The following PDGFA variants were observed in gnomAD, a reference collection of about 807,000 sequenced individuals.
PDGFA encodes the protein platelet derived growth factor subunit A.
In PDGFA, 9 loss-of-function variants were observed where a neutral mutation model predicts 25.6. The observed-to-expected ratio is 0.35, with a 90% CI of 0.21 to 0.61. The LOEUF is 0.61. PDGFA is among the 20% of genes least tolerant of loss of function. PDGFA has a pLI of 0.75. For missense variants in PDGFA, 242 were observed against 272.8 expected, an observed-to-expected ratio of 0.89 and a Z score of 0.79; for synonymous variants, 133 against 111.8, an observed-to-expected ratio of 1.19 and a Z score of -1.20.
At chr7:519,068 C>G (rs1783245071) in exon 1 of PDGFA, 1 of 1,280,874 alleles carries the variant, frequency 7.8e-7, no homozygotes. Flanking sequence ...CAGCCGGTCT[C>G]CTGTGGCGGC....
rs756685336 is a variant in PDGFA at position 517,377 on chromosome 7, G to C, written c.160+17C>G. The C allele has an allele frequency of 2.3e-6, 3 of 1,299,644 alleles. No individual in the cohort carries two copies. In the Admixed American group the frequency reaches 8.4e-5, roughly 36 times the overall value. The allele number at this position is 1,299,644 out of a possible 1,614,324, so 80.5% of individuals were successfully genotyped here. ...CCCGCGCCCTCCCCGCGCGCGGAGG[G>C]AAGGGGCGCGATTTACCTACGGAGT... On this transcript the variant is annotated intron_variant, in intron 2 of 5. Coordinates refer to ENST00000402802, the Ensembl canonical transcript of PDGFA. The surrounding 1 kb of genome is among the most constrained non-coding windows in gnomAD (Gnocchi z 7.4).
chr7:511,927 G>A (rs538768873), intron 3 of PDGFA, among the ~76,000 whole-genome samples: 29 of 152,334 alleles, frequency 1.9e-4, no homozygotes, highest in African/African-American at 5.1e-4. Context: ...GACACAGCAC[G>A]CGCGTCCCCA....
intron 3 of PDGFA, 50 bp downstream of exon 3, chr7:512,301 A>G (rs1782888733): frequency 6.6e-7 from 1 of 1,504,832 alleles, no homozygotes. Context: ...GGCCTCCTGG[A>G]CTCACCCTGA....
At chr7:507,895 C>T (rs1174325536) in intron 4 of PDGFA, among the ~76,000 whole-genome samples, 5 of 152,170 alleles carry the variant, frequency 3.3e-5, no homozygotes, top group Non-Finnish European at 7.4e-5. Context: ...CCTGACCCCC[C>T]GGCGGTAAAT....
At position 517,771 on chromosome 7, in the gene PDGFA, C is replaced by T. The variant is rs1783176432; in HGVS notation, c.64-281G>A. On this transcript the variant is annotated intron_variant, in intron 1 of 5. Transcript: ENST00000402802. The surrounding 1 kb of genome is among the most constrained non-coding windows in gnomAD (Gnocchi z 7.4). ...TTTTCAGACAAAAGCCCCCGCACTC[C>T]GGCCCCTCCACCCGGGGTGTCAGTT... Among the ~76,000 whole-genome samples the T allele has an allele frequency of 6.6e-6, 1 of 151,888 alleles. No homozygotes were observed. The highest frequency in any genetic ancestry group is 2.4e-5 in the African/African-American group (1 of 41,334).
exon 6 of PDGFA, chr7:497,785 C>G (rs1482362022): frequency 1.4e-5 from 2 of 142,540 alleles, no homozygotes; most frequent in African/African-American, 2.6e-5. Context: ...TAGTTTGCAT[C>G]TTGCTAGGAA....
intron 4 of PDGFA, among the ~76,000 whole-genome samples, chr7:507,180 C>T (rs1204613109): frequency 5.3e-5 from 8 of 152,226 alleles, no homozygotes; most frequent in Admixed American, 1.3e-4. Context: ...GGTCCAAAGC[C>T]GGATGTTTTC....
rs1163298676 is a variant in PDGFA, at chr7:502,783, CACACACACACACACACACACACACACAT to C, written c.454-1569_454-1542del. ...AGGCAAGAAATCACACACACACACA[CACACACACACACACACACACACACACAT>C]AATGCACATATAGGCCCTGTCACGG... On this transcript the variant is annotated intron_variant, in intron 4 of 5. Transcript: ENST00000402802. Among the ~76,000 whole-genome samples the C allele has an allele frequency of 2.5e-4, 36 of 142,086 alleles. No individual in the cohort carries two copies. In the South Asian group the frequency reaches 7.9e-3, roughly 31 times the overall value. The allele number at this position is 142,086 out of a possible 152,430, so 93.2% of individuals were successfully genotyped here.
rs1467821637 is a variant in PDGFA, at chr7:517,739, C to G, written c.64-249G>C. Among the ~76,000 whole-genome samples the G allele has an allele frequency of 4.6e-5, 7 of 151,446 alleles. No individual in the cohort carries two copies. The highest frequency in any genetic ancestry group is 1.0e-4 in the Non-Finnish European group (7 of 67,788). ...CTTTGCAAAATCAAAGCCCCCCCCCCTTTATATTTTCAGACAAAAGCCCCC... is the reference window on the plus strand; with the variant it reads ...CTTTGCAAAATCAAAGCCCCCCCCCGTTTATATTTTCAGACAAAAGCCCCC... On this transcript the variant is annotated intron_variant, in intron 1 of 5. Transcript: ENST00000402802. The surrounding 1 kb of genome is among the most constrained non-coding windows in gnomAD (Gnocchi z 7.4).
In PDGFA at chr7:502,517, G is replaced by A. The variant is rs554045545; in HGVS notation, c.454-1275C>T. ...GAGGCTACACAAGATGATCCAGGAG[G>A]AGCACAGGCCAGCAGGCCGTGGCTA... On this transcript the variant is annotated intron_variant, in intron 4 of 5. Transcript: ENST00000402802. Among the ~76,000 whole-genome samples, 7 of 152,298 alleles carry A rather than the reference G, an allele frequency of 4.6e-5. No individual in the cohort carries two copies. The South Asian group carries it at 6.2e-4, about 14-fold the overall frequency.
At chr7:508,590 T>TAAAAAAAAAAAAAAC (rs1275774675) in intron 4 of PDGFA, among the ~76,000 whole-genome samples, 6 of 130,896 alleles carry the variant, frequency 4.6e-5, no homozygotes, top group African/African-American at 8.7e-5. Context: ...AAAAAAAAAT[T>TAAAAAAAAAAAAAAC]CTCAGCTGAG....
chr7:511,904 G>C (rs1265409310), intron 3 of PDGFA, among the ~76,000 whole-genome samples: 3 of 152,158 alleles, frequency 2.0e-5, no homozygotes, highest in South Asian at 2.1e-4. Flanking sequence ...AGGGTGTCGG[G>C]GGGCAGCCGC....
At chr7:512,311 A>G in intron 3 of PDGFA, 40 bp downstream of exon 3, 1 of 1,541,788 alleles carries the variant, frequency 6.5e-7, no homozygotes, top group Non-Finnish European at 8.9e-7. Context: ...ACTCACCCTG[A>G]CCCGGCCCTG....
intron 2 of PDGFA, among the ~76,000 whole-genome samples, chr7:515,726 G>C (rs1004189642): frequency 6.6e-6 from 1 of 151,964 alleles, no homozygotes; most frequent in African/African-American, 2.4e-5. Context: ...ACTGCAGAGG[G>C]AATTTGAAAC....
chr7:510,107 G>A (rs1265741027), intron 4 of PDGFA, among the ~76,000 whole-genome samples: 6 of 152,150 alleles, frequency 3.9e-5, no homozygotes, highest in Non-Finnish European at 7.3e-5. Context: ...TCCAGGGCCC[G>A]GGGACGCCAG....
exon 6 of PDGFA, chr7:497,953 AAAAAACAAAAAAAAAAAAAACAAAAC>A (rs1332998994): frequency 8.7e-5 from 10 of 115,102 alleles, no homozygotes; most frequent in African/African-American, 1.9e-4. Context: ...AAAAAAAAAA[AAAAAACAAAAAAAAAAAAAACAAAAC>A]AAAAACAAAA....
At position 503,478 on chromosome 7, in the gene PDGFA, A is replaced by G. The variant is rs558795838; in HGVS notation, c.454-2236T>C. ...TGAGGAGACCTCAGCCCAAGGCCAGATGCCCCCAGCCCAGTGGCCCTGCCT... is the reference window on the plus strand; with the variant it reads ...TGAGGAGACCTCAGCCCAAGGCCAGGTGCCCCCAGCCCAGTGGCCCTGCCT... On this transcript the variant is annotated intron_variant, in intron 4 of 5. Transcript: ENST00000402802. Among the ~76,000 whole-genome samples the G allele has an allele frequency of 5.3e-5, 8 of 152,082 alleles. No homozygotes were observed. In the South Asian group the frequency reaches 1.7e-3, roughly 32 times the overall value.
intron 4 of PDGFA, among the ~76,000 whole-genome samples, chr7:502,070 T>A (rs1200530220): frequency 6.6e-6 from 1 of 151,860 alleles, no homozygotes; most frequent in Non-Finnish European, 1.5e-5. Flanking sequence ...AAAAACAATT[T>A]AAAAATTAGC....
At chr7:497,939 T>TAAAAAAAAAAAAAAAAAAAACAAAAAAA (rs35400797) in exon 6 of PDGFA, 1 of 20,138 alleles carries the variant, frequency 5.0e-5, no homozygotes, top group African/African-American at 1.9e-4. Flanking sequence ...CTTTATGGTG[T>TAAAAAAAAAAAAAAAAAAAACAAAAAAA]AAAAAAAAAA....
Sources: gnomAD v4.1 joint callset for allele counts (sites outside exome capture counted in the v4.1 genomes callset) on GRCh38, gnomAD v4.1.1 for gene constraint, Gnocchi (gnomAD v3.1) non-coding constraint, MANE v1.5 for transcripts, NCBI Gene and HGNC (gene_info 2026-07-23, HGNC 2026-07-21) for gene names.